CLVS1: variants seen among roughly 807,000 people sequenced by gnomAD.
CLVS1 encodes clavesin-1.
In CLVS1, 10 loss-of-function variants were observed where a neutral mutation model predicts 33.1. The ratio of observed to expected loss-of-function variants is 0.30; its 90% CI spans 0.19 to 0.51. CLVS1 has a LOEUF of 0.51. Among genes scored for constraint, CLVS1 ranks in the 20% least tolerant of loss-of-function variants. The pLI, the probability that CLVS1 is intolerant of heterozygous loss-of-function variation, is 0.97. For synonymous variants in CLVS1, 163 were observed against 166.1 expected, an observed-to-expected ratio of 0.98 and a Z score of 0.14; for missense variants, 343 against 433.4, an observed-to-expected ratio of 0.79 and a Z score of 1.85.
chr8:61,044,265 G>A, the CLVS1 span, among the ~76,000 whole-genome samples: 4 of 152,174 alleles, frequency 2.6e-5, no homozygotes, highest in Non-Finnish European at 4.4e-5. Context: ...CACACTATCT[G>A]CGGCAGAGTG....
rs1804497177 is a variant in CLVS1, at chr8:61,499,730, A to C, written c.*188A>C. On this transcript the variant is annotated 3_prime_UTR_variant, in exon 6 of 6. Coordinates refer to ENST00000325897, the MANE Select transcript of CLVS1 (RefSeq NM_173519.3). ...AGCCAAAGTTGGACAAAGACTTGAG[A>C]GATGCTTTTTTTTTCCCCCAGTGAG... The C allele has an allele frequency of 2.4e-6, 1 of 425,512 alleles. No individual in the cohort carries two copies. Among genetic ancestry groups the C allele is most frequent in the Admixed American group, 3.7e-5 (1 of 27,172 alleles). 26.4% of individuals were successfully genotyped at this position (425,512 alleles called of 1,614,324 possible).
chr8:61,440,372 T>C (rs1346644852), intron 3 of CLVS1, among the ~76,000 whole-genome samples: 1 of 152,248 alleles, frequency 6.6e-6, no homozygotes, highest in Non-Finnish European at 1.5e-5. Context: ...GCTTTTAAGG[T>C]TTTCTCTTAA....
chr8:61,193,498 C>T (rs981813265), intron 2 of CLVS1, among the ~76,000 whole-genome samples: 3 of 146,646 alleles, frequency 2.0e-5, no homozygotes, highest in Non-Finnish European at 3.0e-5. Context: ...TGCACATGTG[C>T]CCTAGAACTT....
intron 2 of CLVS1, among the ~76,000 whole-genome samples, chr8:61,169,781 A>G (rs898563131): frequency 2.0e-5 from 3 of 152,066 alleles, no homozygotes; most frequent in African/African-American, 7.2e-5. Context: ...TGAGTCTCAT[A>G]TTTGTGAGAC....
the CLVS1 span, among the ~76,000 whole-genome samples, chr8:60,989,921 C>T: frequency 9.2e-5 from 14 of 151,716 alleles, no homozygotes; most frequent in East Asian, 1.7e-3. Context: ...GTCAGGAGAT[C>T]GAGACCATCC....
At chr8:61,143,573 A>G (rs1266815456) in intron 2 of CLVS1, among the ~76,000 whole-genome samples, 1 of 151,804 alleles carries the variant, frequency 6.6e-6, no homozygotes, top group Non-Finnish European at 1.5e-5. Context: ...CCATAAAGAG[A>G]GTCTCCCTAG....
At chr8:61,207,695 A>G (rs968078354) in intron 2 of CLVS1, among the ~76,000 whole-genome samples, 10 of 151,982 alleles carry the variant, frequency 6.6e-5, no homozygotes, top group African/African-American at 1.9e-4. Flanking sequence ...TCAGTTTCCC[A>G]TTTGCATATT....
At chr8:61,224,481 G>A (rs1344915898) in intron 2 of CLVS1, among the ~76,000 whole-genome samples, 1 of 152,152 alleles carries the variant, frequency 6.6e-6, no homozygotes, top group Non-Finnish European at 1.5e-5. Context: ...CTATTCATCT[G>A]ATTCACTTCC....
In CLVS1 at chr8:61,458,206, C is replaced by G. The variant is rs955550875; in HGVS notation, c.742-101C>G. 3 of 774,280 alleles carry G rather than the reference C, an allele frequency of 3.9e-6. No homozygotes were observed. In the South Asian group the frequency reaches 5.0e-5, roughly 13 times the overall value. 48.0% of individuals were successfully genotyped at this position (774,280 alleles called of 1,614,324 possible). ...CCTCTTTAAACACTGTGATCACCAG[C>G]AGTGCATCCAATTTGTCATGGCTAA... On this transcript the variant is annotated intron_variant, in intron 4 of 5. Transcript: ENST00000325897.
chr8:61,259,050 G>A lies in CLVS1; in HGVS notation c.-151-40627G>A, dbSNP rs1809144700. Among the ~76,000 whole-genome samples, 3 of 152,136 alleles carry A rather than the reference G, an allele frequency of 2.0e-5. No homozygotes were observed. In the South Asian group the frequency reaches 6.2e-4, roughly 31 times the overall value. ...GTAAAGCTTAGGAAAGAATTCTATG[G>A]TCAAACTACCACAGTATTGTAGCAG... is the stretch of plus-strand genomic sequence containing the variant. On this transcript the variant is annotated intron_variant, in intron 2 of 2. Coordinates refer to the CLVS1 transcript ENST00000522621.
intron 2 of CLVS1, among the ~76,000 whole-genome samples, chr8:61,133,224 G>A (rs1180602994): frequency 6.6e-6 from 1 of 152,110 alleles, no homozygotes; most frequent in Non-Finnish European, 1.5e-5. Context: ...TCAACACATG[G>A]CCACAATAGA....
intron 1 of CLVS1, among the ~76,000 whole-genome samples, chr8:61,117,820 G>T (rs924837780): frequency 5.3e-5 from 8 of 152,058 alleles, no homozygotes; most frequent in Non-Finnish European, 7.4e-5. Flanking sequence ...CAAGGATATT[G>T]GTCTAAAATT....
At chr8:61,385,084 C>T (rs7842754) in intron 3 of CLVS1, among the ~76,000 whole-genome samples, 29 of 152,106 alleles carry the variant, frequency 1.9e-4, no homozygotes, top group East Asian at 1.5e-3. Context: ...TAGAGGAAAC[C>T]GGAGGAAAGG....
At chr8:61,482,377 C>A (rs889989815) in intron 5 of CLVS1, among the ~76,000 whole-genome samples, 1 of 152,220 alleles carries the variant, frequency 6.6e-6, no homozygotes, top group South Asian at 2.1e-4. Context: ...GAGAAGAAGG[C>A]TTCAGATAAT....
intron 2 of CLVS1, among the ~76,000 whole-genome samples, chr8:61,261,975 C>CAT (rs1187697035): frequency 1.6e-4 from 18 of 111,054 alleles, no homozygotes; most frequent in African/African-American, 5.4e-4. Context: ...CTCATTGCTG[C>CAT]GTGTGTGTGT....
chr8:61,165,151 C>T (rs1020269141), intron 2 of CLVS1, among the ~76,000 whole-genome samples: 3 of 152,214 alleles, frequency 2.0e-5, no homozygotes, highest in Non-Finnish European at 4.4e-5. Flanking sequence ...TTAGCCCCAT[C>T]GGGAGTGGCA....
chr8:61,288,857 G>C (rs1191275338), intron 1 of CLVS1, among the ~76,000 whole-genome samples: 1 of 152,122 alleles, frequency 6.6e-6, no homozygotes, highest in Non-Finnish European at 1.5e-5. Context: ...CCAGAATTAA[G>C]TTTTTTCTTC....
At chr8:61,322,368 A>C (rs1811223395) in intron 2 of CLVS1, among the ~76,000 whole-genome samples, 1 of 152,216 alleles carries the variant, frequency 6.6e-6, no homozygotes, top group South Asian at 2.1e-4. Context: ...GGAAAAGTGC[A>C]CATTGACTAT....
chr8:61,045,323 T>G, the CLVS1 span, among the ~76,000 whole-genome samples: 1 of 152,204 alleles, frequency 6.6e-6, no homozygotes, highest in Non-Finnish European at 1.5e-5. Flanking sequence ...CACAAGACCT[T>G]GACCATCTCA....
Sources: allele counts gnomAD v4.1 joint callset (sites outside exome capture counted in the v4.1 genomes callset), GRCh38; gene constraint gnomAD v4.1.1; transcripts MANE v1.5; gene names NCBI Gene and HGNC (gene_info 2026-07-23, HGNC 2026-07-21).